Variants in JAKMIP3 observed in about 807,000 individuals in gnomAD.
JAKMIP3 encodes the protein janus kinase and microtubule-interacting protein 3.
Under a neutral mutation model 118.5 loss-of-function variants are expected in JAKMIP3, and 58 were observed. That is an observed-to-expected ratio of 0.49 (90% CI 0.40 to 0.61). The LOEUF (loss-of-function observed/expected upper bound fraction) is 0.61, where lower values mean the gene tolerates loss of function less well. Among genes scored for constraint, JAKMIP3 ranks in the 20% least tolerant of loss-of-function variants. JAKMIP3 has a pLI of 0.00. For missense variants in JAKMIP3, 950 were observed against 1,109.0 expected (o/e 0.86, Z 2.04); for synonymous variants, 486 against 451.2 (o/e 1.08, Z -0.98).
At position 132,117,635 on chromosome 10, in the gene JAKMIP3, GCAGGGGCGGGCGTGGGCGAGGGT is replaced by G. The variant is rs2047909144; in HGVS notation, c.633+62_633+84del. 1 of 1,218,648 alleles carries G rather than the reference GCAGGGGCGGGCGTGGGCGAGGGT, an allele frequency of 8.2e-7. No homozygotes were observed. Among genetic ancestry groups the G allele is most frequent in the African/African-American group, 1.5e-5 (1 of 65,474 alleles). 75.5% of individuals were successfully genotyped at this position (1,218,648 alleles called of 1,614,324 possible). On this transcript the variant is annotated intron_variant, in intron 3 of 23. Transcript: ENST00000684848. This position sits in a 1 kb window ranked among gnomAD's most constrained non-coding sequence, Gnocchi z 8.6. ...TGCAGGGGCGGGCGTGGGCGAGGGT[GCAGGGGCGGGCGTGGGCGAGGGT>G]GCAGGCGTGGGCTCGGGGAGCACGC...
chr10:132,122,427 C>T (rs973326830), intron 3 of JAKMIP3, among the ~76,000 whole-genome samples: 3 of 152,388 alleles, frequency 2.0e-5, no homozygotes, highest in Non-Finnish European at 4.4e-5. Context: ...CTGTTGCCAT[C>T]TCAGGAGCCC....
intron 2 of JAKMIP3, among the ~76,000 whole-genome samples, chr10:132,109,097 TATATATACACACACAC>T (rs1564908462): frequency 2.1e-5 from 3 of 143,964 alleles, no homozygotes; most frequent in African/African-American, 8.1e-5. Flanking sequence ...CACACACATA[TATATATACACACACAC>T]ATATATATAT....
chr10:132,153,135 G>A, intron 17 of JAKMIP3, 112 bp downstream of exon 17: 1 of 827,856 alleles, frequency 1.2e-6, no homozygotes, highest in Non-Finnish European at 2.0e-6. Context: ...CCGGGTTTGG[G>A]GGGTCCACTA....
At position 132,078,771 on chromosome 10, in the gene JAKMIP3, C is replaced by T. The variant is rs1256506438; in HGVS notation, c.-138+12710C>T. On this transcript the variant is annotated intron_variant, in intron 1 of 23. Coordinates refer to ENST00000684848, the MANE Select transcript of JAKMIP3 (RefSeq NM_001323087.2). ...TGTTTGAAACAAAGTTTGCAGCTTTCCCCCCAGGCCCGTTTGAAGCTGCTC... is the reference window on the plus strand; with the variant it reads ...TGTTTGAAACAAAGTTTGCAGCTTTTCCCCCAGGCCCGTTTGAAGCTGCTC... Among the ~76,000 whole-genome samples, 9 of 151,918 alleles carry T rather than the reference C, an allele frequency of 5.9e-5. No individual in the cohort carries two copies. In the South Asian group the frequency reaches 1.7e-3, roughly 28 times the overall value.
intron 2 of JAKMIP3, 103 bp downstream of exon 2, chr10:132,105,046 AC>A: frequency 7.4e-7 from 1 of 1,345,908 alleles, no homozygotes. Context: ...CCCTGTGGAA[AC>A]CCCCACCCAG....
chr10:132,144,785 G>T (rs757584966), intron 11 of JAKMIP3: 25 of 220,926 alleles, frequency 1.1e-4, no homozygotes, highest in Non-Finnish European at 2.1e-4. Flanking sequence ...AAAAATTAGT[G>T]GGGTGTGGTG....
At chr10:132,099,950 C>T (rs1409942831) in intron 1 of JAKMIP3, among the ~76,000 whole-genome samples, 3 of 152,232 alleles carry the variant, frequency 2.0e-5, no homozygotes, top group South Asian at 2.1e-4. Flanking sequence ...ATTCACGCTG[C>T]GTTGCTGTGA....
chr10:132,138,393 GC>G (rs2052382569), intron 9 of JAKMIP3, among the ~76,000 whole-genome samples: 1 of 135,492 alleles, frequency 7.4e-6, no homozygotes, highest in Admixed American at 7.3e-5. Flanking sequence ...TGGAGAGTAC[GC>G]CGGGTGTGTG....
intron 19 of JAKMIP3, among the ~76,000 whole-genome samples, chr10:132,154,547 C>T (rs772131844): frequency 2.0e-5 from 3 of 152,206 alleles, no homozygotes; most frequent in Non-Finnish European, 2.9e-5. Flanking sequence ...CTGCTGGACT[C>T]CTATCACGTG....
rs1478764700 is a variant in JAKMIP3 at position 132,182,804 on chromosome 10, A to C, written c.*1551A>C. 4 of 152,226 alleles carry C rather than the reference A, an allele frequency of 2.6e-5. No homozygotes were observed. The highest frequency in any genetic ancestry group is 9.6e-5 in the African/African-American group (4 of 41,452). The allele number at this position is 152,226 out of a possible 1,614,324, so 9.4% of individuals were successfully genotyped here. ...AATGTCTGACTTTGGGGCAGATGAC[A>C]CGGTGGCTGCGGACCAGGCATGGCT... On this transcript the variant is annotated 3_prime_UTR_variant, in exon 24 of 24. Transcript: ENST00000684848.
intron 3 of JAKMIP3, among the ~76,000 whole-genome samples, chr10:132,131,895 C>T (rs995436851): frequency 3.9e-5 from 6 of 152,166 alleles, no homozygotes. Context: ...GGCGCCTGCA[C>T]AGGCATGGGA....
chr10:132,100,006 A>T (rs7895750), intron 1 of JAKMIP3, among the ~76,000 whole-genome samples: 15 of 152,144 alleles, frequency 9.9e-5, no homozygotes, highest in Admixed American at 5.2e-4. Flanking sequence ...CTGTGATCCT[A>T]TCGTGGTGAG....
At chr10:132,157,456 C>G (rs907847475) in intron 19 of JAKMIP3, among the ~76,000 whole-genome samples, 3 of 152,158 alleles carry the variant, frequency 2.0e-5, no homozygotes, top group Non-Finnish European at 4.4e-5. Context: ...CCATTTCTGA[C>G]GTCCCGACAC....
chr10:132,075,369 AT>A (rs35437245), intron 1 of JAKMIP3, among the ~76,000 whole-genome samples: 55,762 of 128,694 alleles, frequency 0.43, 11,124 homozygotes, highest in Admixed American at 0.56. Context: ...AAATTTTTCC[AT>A]TTTTTTTTTT....
chr10:132,045,255 G>T (rs569314606), intron 1 of JAKMIP3, among the ~76,000 whole-genome samples: 1 of 152,134 alleles, frequency 6.6e-6, no homozygotes, highest in Admixed American at 6.5e-5. Flanking sequence ...CTGGGTCTGC[G>T]TTTCCCCGGT....
At chr10:132,076,439 T>G (rs1249648989) in intron 1 of JAKMIP3, among the ~76,000 whole-genome samples, 1 of 152,300 alleles carries the variant, frequency 6.6e-6, no homozygotes, top group Admixed American at 6.5e-5. Context: ...TTTCCGCTTT[T>G]TGGCAATTGT....
intron 3 of JAKMIP3, among the ~76,000 whole-genome samples, chr10:132,126,881 G>T (rs1287743444): frequency 6.6e-6 from 1 of 152,100 alleles, no homozygotes; most frequent in African/African-American, 2.4e-5. Context: ...GTATACACTG[G>T]ATTTAGGATT....
At chr10:132,130,002 G>C (rs936201568) in intron 3 of JAKMIP3, among the ~76,000 whole-genome samples, 9 of 151,120 alleles carry the variant, frequency 6.0e-5, no homozygotes, top group African/African-American at 2.2e-4. Flanking sequence ...TGGACATTCT[G>C]TCTAGAGAAA....
chr10:132,158,954 C>CT lies in JAKMIP3; in HGVS notation c.2221-4254dup, dbSNP rs1372912031. On this transcript the variant is annotated intron_variant, in intron 19 of 23. Transcript: ENST00000684848. Reference sequence around the variant, plus strand: ...TTTGTGATGCTGGGGGGGGGGACCTCTCGCTGTGTGATGCTGGGGGGGATC... The same window carrying CT: ...TTTGTGATGCTGGGGGGGGGGACCTCTTCGCTGTGTGATGCTGGGGGGGATC... 2.3e-4 allele frequency among the ~76,000 whole-genome samples: 23 copies of CT among 99,958 alleles called. 9 individuals are homozygous for CT. The highest frequency in any genetic ancestry group is 9.7e-4 in the African/African-American group (21 of 21,722). The allele number at this position is 99,958 out of a possible 152,430, so 65.6% of individuals were successfully genotyped here.
Sources: allele counts gnomAD v4.1 joint callset (sites outside exome capture counted in the v4.1 genomes callset), GRCh38; gene constraint gnomAD v4.1.1; non-coding constraint Gnocchi (gnomAD v3.1); transcripts MANE v1.5; gene names NCBI Gene and HGNC (gene_info 2026-07-23, HGNC 2026-07-21).